The following RBFOX3 variants were observed in gnomAD, a reference collection of about 807,000 sequenced individuals.
RBFOX3 encodes RNA binding fox-1 homolog 3.
Under a neutral mutation model 48.7 loss-of-function variants are expected in RBFOX3, and 17 were observed. That is an observed-to-expected ratio of 0.35 (90% confidence interval 0.24 to 0.52). RBFOX3 has a LOEUF of 0.52. Among genes scored for constraint, RBFOX3 ranks in the 20% least tolerant of loss-of-function variants. RBFOX3 has a pLI of 0.94. For synonymous variants in RBFOX3, 212 were observed against 209.5 expected, an observed-to-expected ratio of 1.01 and a Z score of -0.10; for missense variants, 382 against 497.5, an observed-to-expected ratio of 0.77 and a Z score of 2.21.
intron 2 of RBFOX3, among the ~76,000 whole-genome samples, chr17:79,350,127 C>T (rs760762442): frequency 9.9e-5 from 15 of 152,248 alleles, no homozygotes; most frequent in Non-Finnish European, 1.9e-4. Context: ...GGGAGGAGAG[C>T]GCCCAGGATG....
intron 1 of RBFOX3, among the ~76,000 whole-genome samples, chr17:79,511,756 C>T (rs1193117449): frequency 2.0e-5 from 3 of 150,246 alleles, no homozygotes; most frequent in Non-Finnish European, 4.4e-5. Context: ...AGCCCCATGG[C>T]CAGGGGACAC....
chr17:79,118,140 C>T (rs1043556319), intron 4 of RBFOX3, among the ~76,000 whole-genome samples: 5 of 152,086 alleles, frequency 3.3e-5, no homozygotes, highest in Admixed American at 1.3e-4. Flanking sequence ...GGGGCCGTCT[C>T]GGTGCTCGCC....
chr17:79,271,805 G>A (rs759781730), intron 3 of RBFOX3, among the ~76,000 whole-genome samples: 9 of 152,310 alleles, frequency 5.9e-5, no homozygotes, highest in South Asian at 4.1e-4. Context: ...GAGAAGAAGC[G>A]GATCCTACTC....
At chr17:79,160,308 C>A (rs2046721525) in intron 4 of RBFOX3, among the ~76,000 whole-genome samples, 1 of 152,250 alleles carries the variant, frequency 6.6e-6, no homozygotes, top group Non-Finnish European at 1.5e-5. Context: ...GGGGGCCATG[C>A]AGGCACTAAG....
rs2077410630 is a variant in RBFOX3, at chr17:79,106,549, A to AC, written c.360+101dup. 5.9e-6 allele frequency: 8 copies of AC among 1,346,212 alleles called. No individual in the cohort carries two copies. The Middle Eastern group carries it at 1.6e-3, about 262-fold the overall frequency. The allele number at this position is 1,346,212 out of a possible 1,614,324, so 83.4% of individuals were successfully genotyped here. On this transcript the variant is annotated intron_variant, in intron 6 of 14. Coordinates refer to ENST00000693108, the MANE Select transcript of RBFOX3 (RefSeq NM_001350451.2). ...CTCCCTGCGCAGTGGGAGGCAGGAA[A>AC]CCCGGGGGAACAGGTGTCGGCAGGA...
chr17:79,335,104 C>G (rs958904038), intron 2 of RBFOX3, among the ~76,000 whole-genome samples: 2 of 152,226 alleles, frequency 1.3e-5, no homozygotes, highest in Admixed American at 6.5e-5. Flanking sequence ...CCAGGTGCTT[C>G]ATTAGAGGGG....
intron 4 of RBFOX3, among the ~76,000 whole-genome samples, chr17:79,230,872 C>T (rs972342768): frequency 6.6e-5 from 10 of 152,018 alleles, no homozygotes; most frequent in East Asian, 5.8e-4. Flanking sequence ...GAGACAGATC[C>T]GGTGTAAAGA....
intron 2 of RBFOX3, among the ~76,000 whole-genome samples, chr17:79,431,182 G>C (rs2068373771): frequency 2.0e-5 from 3 of 152,172 alleles, no homozygotes; most frequent in Non-Finnish European, 4.4e-5. Flanking sequence ...GTGTGAAATG[G>C]AAACCTTAAA....
At chr17:79,329,578 C>T (rs1392480420) in intron 2 of RBFOX3, among the ~76,000 whole-genome samples, 1 of 152,162 alleles carries the variant, frequency 6.6e-6, no homozygotes, top group Non-Finnish European at 1.5e-5. Flanking sequence ...TCCTCCTTCC[C>T]TGGAAGGAGC....
At chr17:79,596,428 G>A (rs1414824135) in intron 1 of RBFOX3, among the ~76,000 whole-genome samples, 1 of 152,062 alleles carries the variant, frequency 6.6e-6, no homozygotes, top group Non-Finnish European at 1.5e-5. Context: ...CACCAGCCAG[G>A]GGTGGGCCAG....
At chr17:79,321,905 C>A (rs2078584735) in intron 2 of RBFOX3, among the ~76,000 whole-genome samples, 1 of 152,020 alleles carries the variant, frequency 6.6e-6, no homozygotes, top group African/African-American at 2.4e-5. Flanking sequence ...GGGGTTTCAC[C>A]ATGTTGGCCA....
chr17:79,570,802 G>GC (rs1322745714), intron 1 of RBFOX3, among the ~76,000 whole-genome samples: 47 of 152,322 alleles, frequency 3.1e-4, no homozygotes, highest in Non-Finnish European at 4.9e-4. Context: ...AACCCCTGAT[G>GC]CAGGGCTCAC....
At chr17:79,119,427 T>A (rs61382501) in intron 4 of RBFOX3, among the ~76,000 whole-genome samples, 3,361 of 152,250 alleles carry the variant, frequency 0.022, 118 homozygotes, top group African/African-American at 0.076. Context: ...CAAACTAGTA[T>A]GGGAGGACCC....
chr17:79,638,342 C>A, the RBFOX3 span, among the ~76,000 whole-genome samples: 6 of 144,740 alleles, frequency 4.1e-5, no homozygotes, highest in Admixed American at 2.1e-4. Flanking sequence ...AATTGACAAA[C>A]CCTTAGCAAT....
intron 2 of RBFOX3, among the ~76,000 whole-genome samples, chr17:79,360,046 AT>A (rs1016699166): frequency 6.3e-4 from 89 of 140,592 alleles, no homozygotes; most frequent in African/African-American, 2.2e-3. Context: ...ATGTTTCTTT[AT>A]TTTTTTTTTC....
intron 2 of RBFOX3, among the ~76,000 whole-genome samples, chr17:79,464,155 C>T (rs1330662572): frequency 5.3e-5 from 8 of 152,244 alleles, no homozygotes; most frequent in African/African-American, 1.9e-4. Context: ...CAGGAGTGCA[C>T]CAGCTCCTCG....
intron 2 of RBFOX3, among the ~76,000 whole-genome samples, chr17:79,383,984 C>T (rs554237992): frequency 4.6e-5 from 7 of 152,258 alleles, no homozygotes; most frequent in Admixed American, 6.5e-5. Flanking sequence ...GGGTTTGGAC[C>T]CAAAGCCAGA....
At chr17:79,110,733 G>A (rs1304508014) in intron 5 of RBFOX3, among the ~76,000 whole-genome samples, 1 of 151,954 alleles carries the variant, frequency 6.6e-6, no homozygotes, top group African/African-American at 2.4e-5. Context: ...CTTGGGTGAA[G>A]CTGTTGGCTC....
the RBFOX3 span, among the ~76,000 whole-genome samples, chr17:79,664,385 G>A: frequency 2.0e-5 from 3 of 147,740 alleles, no homozygotes; most frequent in African/African-American, 5.1e-5. Flanking sequence ...TCGCTCTGTC[G>A]CCCAGGCTGG....
Sources: allele counts gnomAD v4.1 joint callset (sites outside exome capture counted in the v4.1 genomes callset), GRCh38; gene constraint gnomAD v4.1.1; transcripts MANE v1.5; gene names NCBI Gene and HGNC (gene_info 2026-07-23, HGNC 2026-07-21).